Variants in OR10J1 observed in about 807,000 individuals in gnomAD.
OR10J1 encodes olfactory receptor 10J1.
For missense variants in OR10J1, 474 were observed against 376.6 expected (o/e 1.26, Z -2.14); for synonymous variants, 202 against 143.8 (o/e 1.40, Z -2.89).
At chr1:159,427,460 T>C in the OR10J1 span, among the ~76,000 whole-genome samples, 2 of 151,822 alleles carry the variant, frequency 1.3e-5, no homozygotes, top group African/African-American at 2.4e-5. Context: ...TCAAGTAGGA[T>C]ACAAGGACAG....
At chr1:159,423,115 C>T in the OR10J1 span, among the ~76,000 whole-genome samples, 2 of 152,186 alleles carry the variant, frequency 1.3e-5, no homozygotes, top group East Asian at 1.9e-4. Context: ...ACCGAAAATA[C>T]ATTTTTTTTC....
chr1:159,434,246 G>A (rs556109955), upstream of OR10J1, among the ~76,000 whole-genome samples: 1 of 152,192 alleles, frequency 6.6e-6, no homozygotes, highest in East Asian at 1.9e-4. Flanking sequence ...GTAAGCTCAT[G>A]ATATTCATTT....
At chr1:159,428,528 G>A in the OR10J1 span, among the ~76,000 whole-genome samples, 2 of 152,168 alleles carry the variant, frequency 1.3e-5, no homozygotes, top group East Asian at 3.9e-4. Context: ...TGACAAAAAA[G>A]GCCCAAGATT....
the OR10J1 span, among the ~76,000 whole-genome samples, chr1:159,427,066 T>C: frequency 6.6e-5 from 10 of 151,854 alleles, no homozygotes; most frequent in Admixed American, 1.3e-4. Flanking sequence ...TTGACTCCTG[T>C]ATTAAGCTTT....
Position 159,439,911 on chromosome 1 carries a change from A to G in OR10J1, c.120A>G (p.Ala40=). ...VFLALYILTL[A]GNIIIVTIIR... is the part of the protein sequence containing the mutation. ...TTGCACTATACATCTTAACCTTAGCAGGCAATATCATCATTGTGACCATCA... is the reference window on the plus strand; with the variant it reads ...TTGCACTATACATCTTAACCTTAGCGGGCAATATCATCATTGTGACCATCA... The change falls in exon 1 of 1, where the codon GCA becomes GCG. Residue 40 remains alanine (A), a synonymous_variant. Coordinates refer to ENST00000423932, the MANE Select transcript of OR10J1 (RefSeq NM_012351.3). 6.2e-7 allele frequency: 1 copy of G among 1,614,186 alleles called. No homozygotes were observed. The highest frequency in any genetic ancestry group is 1.6e-4 in the Middle Eastern group (1 of 6,062).
chr1:159,439,790 C>T lies in OR10J1; in HGVS notation c.-2C>T. 1 of 1,613,830 alleles carries T rather than the reference C, an allele frequency of 6.2e-7. No individual in the cohort carries two copies. Among genetic ancestry groups the T allele is most frequent in the African/African-American group, 1.3e-5 (1 of 75,026 alleles). The stretch of plus-strand genomic sequence containing the variant: ...TTATGTTTCAGATTTGGGAACCAAT[C>T]CATGAAAAGAGAGAACTTTACTCTC... On this transcript the variant is annotated 5_prime_UTR_variant, in exon 1 of 1. Transcript: ENST00000423932.
the OR10J1 span, chr1:159,405,973 A>G: frequency 4.4e-6 from 2 of 459,494 alleles, no homozygotes; most frequent in Non-Finnish European, 4.1e-6. Flanking sequence ...ACCTATGAAT[A>G]CCGTAAGGGG....
chr1:159,430,666 T>TGC, the OR10J1 span, among the ~76,000 whole-genome samples: 9 of 71,900 alleles, frequency 1.3e-4, no homozygotes, highest in East Asian at 6.2e-4. Flanking sequence ...TGTGTGTGTG[T>TGC]GTGCGCGCGC....
chr1:159,430,836 T>C, the OR10J1 span, among the ~76,000 whole-genome samples: 2 of 152,166 alleles, frequency 1.3e-5, no homozygotes, highest in African/African-American at 4.8e-5. Context: ...GTAATTCATA[T>C]GGTCTCCATA....
the OR10J1 span, among the ~76,000 whole-genome samples, chr1:159,407,606 C>T: frequency 6.6e-6 from 1 of 152,144 alleles, no homozygotes; most frequent in African/African-American, 2.4e-5. Flanking sequence ...AGACAAAGGA[C>T]AGTAATTACA....
At chr1:159,406,072 C>T in the OR10J1 span, 1 of 426,572 alleles carries the variant, frequency 2.3e-6, no homozygotes, top group Non-Finnish European at 4.6e-6. Flanking sequence ...AGCTGAGTGA[C>T]ACAGCCTTGC....
At chr1:159,411,922 G>T in the OR10J1 span, among the ~76,000 whole-genome samples, 3 of 152,058 alleles carry the variant, frequency 2.0e-5, no homozygotes, top group South Asian at 2.1e-4. Context: ...TGACATGATT[G>T]TATATCTAGA....
chr1:159,438,237 T>G (rs1655796322), upstream of OR10J1, among the ~76,000 whole-genome samples: 1 of 152,224 alleles, frequency 6.6e-6, no homozygotes, highest in South Asian at 2.1e-4. Flanking sequence ...ATAATAGCCA[T>G]TCTTCTACCT....
the OR10J1 span, among the ~76,000 whole-genome samples, chr1:159,423,326 T>A: frequency 6.6e-6 from 1 of 152,216 alleles, no homozygotes; most frequent in Non-Finnish European, 1.5e-5. Context: ...CTGTGACAAT[T>A]CTCTGTGGGC....
At chr1:159,412,657 C>A in the OR10J1 span, among the ~76,000 whole-genome samples, 1 of 149,620 alleles carries the variant, frequency 6.7e-6, no homozygotes, top group Non-Finnish European at 1.5e-5. Flanking sequence ...AAACTGGATC[C>A]CTTCCTTACA....
At chr1:159,425,111 AATAC>A in the OR10J1 span, among the ~76,000 whole-genome samples, 1 of 152,206 alleles carries the variant, frequency 6.6e-6, no homozygotes, top group African/African-American at 2.4e-5. Flanking sequence ...AAAATAGATT[AATAC>A]ATCCAACAAA....
chr1:159,428,734 T>G, the OR10J1 span, among the ~76,000 whole-genome samples: 1 of 152,166 alleles, frequency 6.6e-6, no homozygotes, highest in Admixed American at 6.5e-5. Context: ...GTACTTCCAG[T>G]TTCTGTTGGG....
At chr1:159,439,643 A>T, upstream of OR10J1, 3 of 900,776 alleles carry the variant, frequency 3.3e-6, no homozygotes, top group Non-Finnish European at 1.7e-6. Context: ...AAGTAAACCC[A>T]GGGATTAACT....
Position 159,440,410 on chromosome 1 carries a change from G to T in OR10J1, c.619G>T (p.Val207Phe), listed in dbSNP as rs772389245. The T allele has an allele frequency of 4.3e-6, 7 of 1,614,144 alleles. No homozygotes were observed. Among genetic ancestry groups the T allele is most frequent in the Admixed American group, 1.7e-5 (1 of 60,020 alleles). The change falls in exon 1 of 1, where the codon GTT (valine) becomes TTT (phenylalanine). Residue 207 changes from valine (V) to phenylalanine (F), a missense_variant. Coordinates refer to ENST00000423932, the MANE Select transcript of OR10J1 (RefSeq NM_012351.3). The stretch of plus-strand genomic sequence containing the variant: ...TTTGATTATCAGTGTGCTGGTGCTT[G>T]TTGTACCTATGGGTCTGGTTTTCAT... Reference protein sequence around the residue: ...LTLIISVLVLVVPMGLVFISY... With the variant: ...LTLIISVLVLFVPMGLVFISY...
Sources: allele counts gnomAD v4.1 joint callset (sites outside exome capture counted in the v4.1 genomes callset), GRCh38; gene constraint gnomAD v4.1.1; transcripts MANE v1.5; gene names NCBI Gene and HGNC (gene_info 2026-07-23, HGNC 2026-07-21).